OTUD7B: variants seen among roughly 807,000 people sequenced by gnomAD.
OTUD7B encodes OTU deubiquitinase 7B, also known as OTU domain-containing protein 7B.
In OTUD7B, 34 loss-of-function variants were observed where a neutral mutation model predicts 82.2. That is an observed-to-expected ratio of 0.41 (90% CI 0.31 to 0.55). The LOEUF is 0.55. Ranked by LOEUF, OTUD7B falls within the 20% of genes least tolerant of loss-of-function variation. OTUD7B has a pLI of 0.20. For missense variants in OTUD7B, 944 were observed against 1,062.1 expected, an observed-to-expected ratio of 0.89 and a Z score of 1.55; for synonymous variants, 398 against 402.7, an observed-to-expected ratio of 0.99 and a Z score of 0.14.
At chr1:150,002,672 T>A (rs1214761740) in intron 1 of OTUD7B, among the ~76,000 whole-genome samples, 1 of 152,190 alleles carries the variant, frequency 6.6e-6, no homozygotes, top group Non-Finnish European at 1.5e-5. Flanking sequence ...TGCTGAAGAC[T>A]GAATTCTAGA....
intron 7 of OTUD7B, among the ~76,000 whole-genome samples, chr1:149,958,028 G>A (rs920636576): frequency 6.6e-6 from 1 of 152,188 alleles, no homozygotes; most frequent in Admixed American, 6.5e-5. Flanking sequence ...CGCTCCGTGG[G>A]CTATACCCAC....
the OTUD7B span, among the ~76,000 whole-genome samples, chr1:150,037,060 T>G: frequency 6.6e-6 from 1 of 152,138 alleles, no homozygotes; most frequent in East Asian, 1.9e-4. Context: ...TGGCATGTCC[T>G]TTATTTAGGG....
chr1:149,986,943 TC>T (rs1553780962), intron 1 of OTUD7B, among the ~76,000 whole-genome samples: 1 of 152,204 alleles, frequency 6.6e-6, no homozygotes, highest in African/African-American at 2.4e-5. Flanking sequence ...GTGGATCTAG[TC>T]CTGAATCCAG....
At chr1:149,976,402 G>A (rs1381297293) in intron 2 of OTUD7B, among the ~76,000 whole-genome samples, 12 of 150,868 alleles carry the variant, frequency 8.0e-5, no homozygotes, top group South Asian at 2.1e-4. Flanking sequence ...ACCTGAGGTC[G>A]GGAGTTCGAG....
chr1:150,010,865 C>T (rs1185633644), upstream of OTUD7B, among the ~76,000 whole-genome samples: 3 of 152,162 alleles, frequency 2.0e-5, no homozygotes, highest in Non-Finnish European at 2.9e-5. Flanking sequence ...CAGGCTGCGG[C>T]CAGTTTGGCG....
At position 149,942,440 on chromosome 1, in the gene OTUD7B, G is replaced by C. The variant is rs1480249801; in HGVS notation, c.*1417C>G. ...TGTGCTTTGTGCAAAATGCGAAGGA[G>C]CTCCCCCTACTGTGTCCGCATCCCC... On this transcript the variant is annotated 3_prime_UTR_variant, in exon 12 of 12. Transcript: ENST00000581312. 6.6e-6 allele frequency: 1 copy of C among 152,572 alleles called. No homozygotes were observed. Among genetic ancestry groups the C allele is most frequent in the Non-Finnish European group, 1.5e-5 (1 of 68,028 alleles). The allele number at this position is 152,572 out of a possible 1,614,324, so 9.5% of individuals were successfully genotyped here.
chr1:150,063,854 G>A, the OTUD7B span, among the ~76,000 whole-genome samples: 4 of 152,298 alleles, frequency 2.6e-5, no homozygotes, highest in East Asian at 7.7e-4. Context: ...AGGCTGCGTA[G>A]ACACTAAGCC....
chr1:149,940,392 A>G lies in OTUD7B; in HGVS notation c.*3465T>C, dbSNP rs1559815588. On this transcript the variant is annotated 3_prime_UTR_variant, in exon 12 of 12. Transcript: ENST00000581312. ...CAGTATGGAGGAAAAACTTCTGGTT[A>G]AATCTTGTAACTTTCAATAAATGCA... 2 of 152,172 alleles carry G rather than the reference A, an allele frequency of 1.3e-5. No homozygotes were observed. The highest frequency in any genetic ancestry group is 2.9e-5 in the Non-Finnish European group (2 of 68,022). 9.4% of individuals were successfully genotyped at this position (152,172 alleles called of 1,614,324 possible). A position where few individuals can be genotyped will look rare whatever the true frequency, so the allele number is the denominator to read the frequency against.
At chr1:149,952,133 T>C (rs1177206708) in intron 7 of OTUD7B, among the ~76,000 whole-genome samples, 1 of 152,120 alleles carries the variant, frequency 6.6e-6, no homozygotes, top group Non-Finnish European at 1.5e-5. Flanking sequence ...ATATGCCACG[T>C]TGGTGTGCTG....
At position 149,940,850 on chromosome 1, in the gene OTUD7B, G is replaced by C. The variant is rs938525382; in HGVS notation, c.*3007C>G. 1.1e-4 allele frequency: 17 copies of C among 151,268 alleles called. No homozygotes were observed. Among genetic ancestry groups the C allele is most frequent in the Non-Finnish European group, 7.4e-5 (5 of 67,866 alleles). 9.4% of individuals were successfully genotyped at this position (151,268 alleles called of 1,614,324 possible). A position where few individuals can be genotyped will look rare whatever the true frequency, so the allele number is the denominator to read the frequency against. On this transcript the variant is annotated 3_prime_UTR_variant, in exon 12 of 12. Coordinates refer to ENST00000581312, the MANE Select transcript of OTUD7B (RefSeq NM_020205.4). ...AGCTGAATCTATATTAATTTCCCAG[G>C]CATTATTCCTTCACCTCCCCCCATC... is the stretch of plus-strand genomic sequence containing the variant.
chr1:149,968,659 G>A (rs1649686506), intron 3 of OTUD7B, among the ~76,000 whole-genome samples: 1 of 152,202 alleles, frequency 6.6e-6, no homozygotes, highest in Non-Finnish European at 1.5e-5. Context: ...AATAAACTGA[G>A]TTGTCTAAAG....
intron 1 of OTUD7B, among the ~76,000 whole-genome samples, chr1:150,003,172 C>G (rs587715577): frequency 6.6e-6 from 1 of 151,694 alleles, no homozygotes; most frequent in African/African-American, 2.4e-5. Flanking sequence ...ATGGCGTGAA[C>G]CCGGGAGGCG....
chr1:150,065,849 G>GTTTCT, the OTUD7B span, among the ~76,000 whole-genome samples: 2 of 151,534 alleles, frequency 1.3e-5, no homozygotes, highest in African/African-American at 4.9e-5. Context: ...TGTTCAAAAT[G>GTTTCT]TTTATGTTCC....
the OTUD7B span, among the ~76,000 whole-genome samples, chr1:150,056,646 C>G: frequency 6.6e-6 from 1 of 151,906 alleles, no homozygotes; most frequent in African/African-American, 2.4e-5. Context: ...AATCCAGGCT[C>G]ACTGATTCCA....
chr1:149,973,858 A>T (rs1242217187), intron 2 of OTUD7B, among the ~76,000 whole-genome samples: 1 of 132,778 alleles, frequency 7.5e-6, no homozygotes, highest in Non-Finnish European at 1.6e-5. Flanking sequence ...GCCCCTTCTA[A>T]TTTTTTTTTT....
intron 1 of OTUD7B, among the ~76,000 whole-genome samples, chr1:149,979,553 C>A (rs1194996987): frequency 2.0e-5 from 3 of 152,096 alleles, no homozygotes; most frequent in Non-Finnish European, 4.4e-5. Flanking sequence ...GACTATCATT[C>A]TAGATATTGT....
chr1:150,056,184 T>C, the OTUD7B span, among the ~76,000 whole-genome samples: 1 of 152,182 alleles, frequency 6.6e-6, no homozygotes, highest in Non-Finnish European at 1.5e-5. Context: ...TCATCTAAGA[T>C]GTTAAAAATA....
the OTUD7B span, among the ~76,000 whole-genome samples, chr1:150,062,306 G>A: frequency 6.6e-6 from 1 of 152,232 alleles, no homozygotes; most frequent in East Asian, 1.9e-4. Context: ...TATATGAAGT[G>A]TTGTTCTACA....
At chr1:150,044,501 T>C in the OTUD7B span, among the ~76,000 whole-genome samples, 1 of 151,754 alleles carries the variant, frequency 6.6e-6, no homozygotes, top group Non-Finnish European at 1.5e-5. Flanking sequence ...AGCCACCTGT[T>C]ATATTACAGG....
Sources: gnomAD v4.1 joint callset for allele counts (sites outside exome capture counted in the v4.1 genomes callset) on GRCh38, gnomAD v4.1.1 for gene constraint, MANE v1.5 for transcripts, NCBI Gene and HGNC (gene_info 2026-07-23, HGNC 2026-07-21) for gene names.